The following NUDCD3 variants were observed in gnomAD, a reference collection of about 807,000 sequenced individuals.
The protein encoded by NUDCD3 is nudC domain-containing protein 3.
Under a neutral mutation model 39.7 loss-of-function variants are expected in NUDCD3, and 13 were observed. The ratio of observed to expected loss-of-function variants is 0.33; its 90% CI spans 0.21 to 0.52. The LOEUF (loss-of-function observed/expected upper bound fraction) is 0.52. NUDCD3 is among the 20% of genes least tolerant of loss of function. The pLI is 0.96. For synonymous variants in NUDCD3, 175 were observed against 172.4 expected (o/e 1.02, Z -0.12); for missense variants, 453 against 458.1 (o/e 0.99, Z 0.10).
intron 2 of NUDCD3, among the ~76,000 whole-genome samples, chr7:44,450,068 T>C (rs1463686347): frequency 6.6e-6 from 1 of 152,154 alleles, no homozygotes; most frequent in Non-Finnish European, 1.5e-5. Context: ...GGACAAAATA[T>C]TTCCACTGAC....
intron 2 of NUDCD3, among the ~76,000 whole-genome samples, chr7:44,455,578 C>T (rs1799875842): frequency 6.6e-6 from 1 of 152,096 alleles, no homozygotes; most frequent in African/African-American, 2.4e-5. Context: ...TGTGACAGCT[C>T]ATGTGAGTAT....
At chr7:44,469,535 T>C (rs1190534724) in intron 2 of NUDCD3, among the ~76,000 whole-genome samples, 1 of 152,212 alleles carries the variant, frequency 6.6e-6, no homozygotes, top group East Asian at 1.9e-4. Context: ...GGTAAAGGTA[T>C]GCTGAGAAAC....
At chr7:44,404,132 C>T (rs1182011275) in intron 4 of NUDCD3, among the ~76,000 whole-genome samples, 1 of 152,202 alleles carries the variant, frequency 6.6e-6, no homozygotes, top group African/African-American at 2.4e-5. Flanking sequence ...TTTATTAACT[C>T]TGTACCCTCC....
At chr7:44,409,504 G>A (rs1361177735) in intron 3 of NUDCD3, among the ~76,000 whole-genome samples, 2 of 151,900 alleles carry the variant, frequency 1.3e-5, no homozygotes, top group Non-Finnish European at 1.5e-5. Flanking sequence ...GGGAAGAAAG[G>A]AGCATCTGAT....
At chr7:44,463,144 G>GAGAT (rs1715674983) in intron 2 of NUDCD3, among the ~76,000 whole-genome samples, 2 of 152,180 alleles carry the variant, frequency 1.3e-5, no homozygotes, top group South Asian at 4.1e-4. Context: ...TCAGGAGGCA[G>GAGAT]AGATGCCCAG....
chr7:44,470,034 T>TA (rs1356144282), intron 2 of NUDCD3, among the ~76,000 whole-genome samples: 1 of 152,208 alleles, frequency 6.6e-6, no homozygotes, highest in Non-Finnish European at 1.5e-5. Flanking sequence ...GGTCTACAGA[T>TA]GAGCTAATGG....
intron 2 of NUDCD3, among the ~76,000 whole-genome samples, chr7:44,457,302 G>C (rs766058878): frequency 3.3e-5 from 5 of 152,174 alleles, no homozygotes; most frequent in Non-Finnish European, 7.3e-5. Flanking sequence ...ATTCAACTTT[G>C]TACTAGAAGT....
chr7:44,486,846 AG>A (rs1800621994), intron 1 of NUDCD3, among the ~76,000 whole-genome samples: 1 of 152,208 alleles, frequency 6.6e-6, no homozygotes, highest in Admixed American at 6.5e-5. Context: ...TCACACCACC[AG>A]GAAGTGCTAC....
intron 2 of NUDCD3, among the ~76,000 whole-genome samples, chr7:44,442,981 G>T (rs1019953587): frequency 4.0e-5 from 6 of 151,896 alleles, no homozygotes; most frequent in Admixed American, 3.3e-4. Context: ...GGATTACAGG[G>T]GTGAGCCACC....
intron 2 of NUDCD3, among the ~76,000 whole-genome samples, chr7:44,456,039 A>AAC (rs1210252746): frequency 2.2e-5 from 3 of 136,462 alleles, no homozygotes; most frequent in African/African-American, 8.2e-5. Context: ...AAAAAAAAAA[A>AAC]AAAAAAAAAA....
chr7:44,399,674 A>G (rs1229021846), intron 4 of NUDCD3, among the ~76,000 whole-genome samples: 2 of 152,206 alleles, frequency 1.3e-5, no homozygotes, highest in Non-Finnish European at 2.9e-5. Context: ...GTGGGGATAT[A>G]GGGCTAATGT....
At chr7:44,431,668 C>CTTTT (rs755819096) in intron 2 of NUDCD3, among the ~76,000 whole-genome samples, 175 of 120,828 alleles carry the variant, frequency 1.4e-3, no homozygotes, top group Non-Finnish European at 2.6e-3. Flanking sequence ...TCTCTCCTTC[C>CTTTT]TTTTTTTTTT....
rs1381842261 is a variant in NUDCD3, at chr7:44,384,225, C to T, written c.*1786G>A. 1 of 152,200 alleles carries T rather than the reference C, an allele frequency of 6.6e-6. No individual in the cohort carries two copies. The highest frequency in any genetic ancestry group is 2.4e-5 in the African/African-American group (1 of 41,424). 9.4% of individuals were successfully genotyped at this position (152,200 alleles called of 1,614,324 possible). A position where few individuals can be genotyped will look rare whatever the true frequency, so the allele number is the denominator to read the frequency against. On this transcript the variant is annotated 3_prime_UTR_variant, in exon 6 of 6. Coordinates refer to ENST00000355451, the MANE Select transcript of NUDCD3 (RefSeq NM_015332.4). ...CTATAGAGAAGAGAGGAGACACACA[C>T]CACAAGACCTCCTTTCATTAGGCAG...
At chr7:44,429,017 T>C (rs948741750) in intron 2 of NUDCD3, among the ~76,000 whole-genome samples, 1 of 152,206 alleles carries the variant, frequency 6.6e-6, no homozygotes, top group African/African-American at 2.4e-5. Context: ...TACATCTATA[T>C]AGATGCACAT....
rs1387277490 is a variant in NUDCD3, at chr7:44,383,904, C to T, written c.*2107G>A. Reference sequence around the variant, plus strand: ...CAGGCTCCACAACCACACCAAGCACCGCAGTGTGGCACCGGGACCAGATGC... The same window carrying T: ...CAGGCTCCACAACCACACCAAGCACTGCAGTGTGGCACCGGGACCAGATGC... On this transcript the variant is annotated 3_prime_UTR_variant, in exon 6 of 6. Transcript: ENST00000355451. 6 of 152,286 alleles carry T rather than the reference C, an allele frequency of 3.9e-5. No individual in the cohort carries two copies. Among genetic ancestry groups the T allele is most frequent in the African/African-American group, 7.2e-5 (3 of 41,460 alleles). The allele number at this position is 152,286 out of a possible 1,614,324, so 9.4% of individuals were successfully genotyped here. A position where few individuals can be genotyped will look rare whatever the true frequency, so the allele number is the denominator to read the frequency against.
intron 5 of NUDCD3, among the ~76,000 whole-genome samples, chr7:44,389,297 ACTG>A (rs1798464897): frequency 6.6e-6 from 1 of 152,206 alleles, no homozygotes; most frequent in Admixed American, 6.5e-5. Flanking sequence ...GAGGTCCAGA[ACTG>A]CCTGGAAGTT....
At chr7:44,458,510 T>C (rs1799943957) in intron 2 of NUDCD3, among the ~76,000 whole-genome samples, 1 of 151,838 alleles carries the variant, frequency 6.6e-6, no homozygotes, top group African/African-American at 2.4e-5. Context: ...ATACAAAAAA[T>C]TAGCCAGGCA....
intron 4 of NUDCD3, among the ~76,000 whole-genome samples, chr7:44,393,886 C>T (rs1798569121): frequency 6.6e-6 from 1 of 152,110 alleles, no homozygotes; most frequent in Non-Finnish European, 1.5e-5. Flanking sequence ...CACAGGACAC[C>T]ACGTCCCCCC....
At chr7:44,459,043 T>C (rs887344336) in intron 2 of NUDCD3, among the ~76,000 whole-genome samples, 4 of 151,944 alleles carry the variant, frequency 2.6e-5, no homozygotes, top group African/African-American at 9.7e-5. Flanking sequence ...CAAGGACATC[T>C]CACAGTATAT....
Sources: allele counts gnomAD v4.1 joint callset (sites outside exome capture counted in the v4.1 genomes callset), GRCh38; gene constraint gnomAD v4.1.1; transcripts MANE v1.5; gene names NCBI Gene and HGNC (gene_info 2026-07-23, HGNC 2026-07-21).